CACNA2D1: variants seen among roughly 807,000 people sequenced by gnomAD.
CACNA2D1 encodes the protein calcium voltage-gated channel auxiliary subunit alpha2delta 1.
In CACNA2D1, 53 loss-of-function variants were observed where a neutral mutation model predicts 171.5. The observed-to-expected ratio is 0.31, with a 90% CI of 0.25 to 0.39. The LOEUF (loss-of-function observed/expected upper bound fraction) is 0.39, where lower values mean the gene tolerates loss of function less well. Among genes scored for constraint, CACNA2D1 ranks in the 10% least tolerant of loss-of-function variants. The probability of loss-of-function intolerance (pLI) is 1.00; values close to 1 mark genes in which losing one functional copy is unlikely to be tolerated. For synonymous variants in CACNA2D1, 442 were observed against 443.1 expected (o/e 1.00, Z 0.03); for missense variants, 903 against 1,299.8 (o/e 0.69, Z 4.69).
At chr7:82,171,887 T>C (rs1796056842) in intron 3 of CACNA2D1, among the ~76,000 whole-genome samples, 1 of 152,102 alleles carries the variant, frequency 6.6e-6, no homozygotes, top group African/African-American at 2.4e-5. Flanking sequence ...CTATGAACTA[T>C]TCCTTAGCGT....
intron 12 of CACNA2D1, chr7:82,021,133 G>A (rs2097136797): frequency 6.6e-6 from 1 of 152,074 alleles, no homozygotes; most frequent in Admixed American, 6.6e-5. Flanking sequence ...ACTAGATAAA[G>A]GAAGAATAAG....
chr7:82,412,447 A>G (rs1292975439), intron 1 of CACNA2D1, among the ~76,000 whole-genome samples: 1 of 151,654 alleles, frequency 6.6e-6, no homozygotes, highest in Non-Finnish European at 1.5e-5. Flanking sequence ...TAGCCCATCT[A>G]ATTTTTTGTA....
intron 10 of CACNA2D1, among the ~76,000 whole-genome samples, chr7:82,046,531 C>T (rs1804577981): frequency 6.6e-6 from 1 of 152,172 alleles, no homozygotes; most frequent in Non-Finnish European, 1.5e-5. Context: ...ATAAGCATTA[C>T]AGCCAAAACT....
chr7:82,148,259 T>C (rs531064696), intron 4 of CACNA2D1, among the ~76,000 whole-genome samples: 36 of 151,792 alleles, frequency 2.4e-4, no homozygotes, highest in African/African-American at 8.2e-4. Flanking sequence ...GATTTGTAAG[T>C]TTCAAAAACA....
intron 35 of CACNA2D1, 25 bp downstream of exon 35, chr7:81,962,415 T>C (rs1794246499): frequency 1.3e-6 from 2 of 1,563,902 alleles, no homozygotes; most frequent in Admixed American, 1.7e-5. Flanking sequence ...GTTATGGCAA[T>C]GACAAGGTCT....
intron 28 of CACNA2D1, among the ~76,000 whole-genome samples, chr7:81,969,185 G>C (rs888429977): frequency 4.0e-5 from 6 of 151,208 alleles, no homozygotes; most frequent in African/African-American, 1.2e-4. Context: ...AATTGATTCG[G>C]GGACATTAAT....
intron 1 of CACNA2D1, among the ~76,000 whole-genome samples, chr7:82,365,093 A>C (rs1821531477): frequency 6.6e-6 from 1 of 152,218 alleles, no homozygotes; most frequent in Non-Finnish European, 1.5e-5. Context: ...GATTGAGAGA[A>C]GGCATGAGGG....
rs527649309 is a variant in CACNA2D1, at chr7:82,070,201, C to T, written c.659-3677G>A. Reference sequence around the variant, plus strand: ...CAATAACCAAGTTCAGGGTAGATGACTGTCATTAGAAGAATGTGGATTATA... The same window carrying T: ...CAATAACCAAGTTCAGGGTAGATGATTGTCATTAGAAGAATGTGGATTATA... On this transcript the variant is annotated intron_variant, in intron 7 of 38. Transcript: ENST00000356860. 8.5e-5 allele frequency among the ~76,000 whole-genome samples: 13 copies of T among 152,288 alleles called. No homozygotes were observed. The South Asian group carries it at 2.7e-3, about 32-fold the overall frequency.
intron 10 of CACNA2D1, among the ~76,000 whole-genome samples, chr7:82,058,426 G>C (rs1476839631): frequency 2.6e-5 from 4 of 152,074 alleles, no homozygotes; most frequent in Non-Finnish European, 5.9e-5. Context: ...GCCACAGATA[G>C]TATTTTTAAA....
intron 4 of CACNA2D1, among the ~76,000 whole-genome samples, chr7:82,146,483 C>CATATTTATATTTATATATATATAAAG (rs1793115168): frequency 7.4e-6 from 1 of 135,382 alleles, no homozygotes; most frequent in South Asian, 2.3e-4. Context: ...TTTATATATA[C>CATATTTATATTTATATATATATAAAG]ATATTTATAT....
chr7:82,274,690 T>C (rs1809085816), intron 3 of CACNA2D1, among the ~76,000 whole-genome samples: 1 of 152,128 alleles, frequency 6.6e-6, no homozygotes, highest in Admixed American at 6.6e-5. Flanking sequence ...TATTGAATAA[T>C]GTACAGGGGC....
intron 12 of CACNA2D1, 93 bp from the exon 13 acceptor site, chr7:82,014,572 C>A: frequency 1.3e-6 from 1 of 745,698 alleles, no homozygotes; most frequent in South Asian, 1.5e-5. Context: ...GAAAAGAGTG[C>A]TTTCCAGTTG....
intron 3 of CACNA2D1, among the ~76,000 whole-genome samples, chr7:82,215,630 G>A (rs1338481003): frequency 1.3e-5 from 2 of 151,830 alleles, no homozygotes; most frequent in Non-Finnish European, 2.9e-5. Context: ...AATTTTTCCT[G>A]TTACACTTTA....
At chr7:82,163,169 T>A (rs1466540439) in intron 4 of CACNA2D1, among the ~76,000 whole-genome samples, 2 of 152,100 alleles carry the variant, frequency 1.3e-5, no homozygotes, top group Non-Finnish European at 2.9e-5. Context: ...GAAATATATA[T>A]TAGTCTCCAC....
At chr7:82,314,184 G>C (rs1814812277) in intron 3 of CACNA2D1, among the ~76,000 whole-genome samples, 1 of 152,138 alleles carries the variant, frequency 6.6e-6, no homozygotes, top group Non-Finnish European at 1.5e-5. Context: ...AAATACTTTG[G>C]TTTGCTTGAT....
chr7:82,116,999 G>A, intron 6 of CACNA2D1, 45 bp downstream of exon 6: 1 of 1,606,800 alleles, frequency 6.2e-7, no homozygotes, highest in Non-Finnish European at 8.5e-7. Flanking sequence ...CATAAGACAG[G>A]CGAGAGCATG....
intron 4 of CACNA2D1, among the ~76,000 whole-genome samples, chr7:82,159,679 A>G (rs1038953883): frequency 1.3e-5 from 2 of 151,302 alleles, no homozygotes; most frequent in South Asian, 2.1e-4. Flanking sequence ...ATGAACCGAT[A>G]TAAGTTGACA....
At chr7:82,186,883 C>T (rs891457744) in intron 3 of CACNA2D1, among the ~76,000 whole-genome samples, 1 of 152,078 alleles carries the variant, frequency 6.6e-6, no homozygotes. Context: ...CTAAGCCATA[C>T]CTTCTTCTAA....
intron 1 of CACNA2D1, among the ~76,000 whole-genome samples, chr7:82,368,073 G>C (rs548847510): frequency 6.6e-6 from 1 of 152,180 alleles, no homozygotes; most frequent in Non-Finnish European, 1.5e-5. Flanking sequence ...AATGATCTCT[G>C]GGCTCTGTCC....
Sources: gnomAD v4.1 joint callset for allele counts (sites outside exome capture counted in the v4.1 genomes callset) on GRCh38, gnomAD v4.1.1 for gene constraint, MANE v1.5 for transcripts, NCBI Gene and HGNC (gene_info 2026-07-23, HGNC 2026-07-21) for gene names.